Variants in TMEM52B observed in about 807,000 individuals in gnomAD.
TMEM52B encodes the protein transmembrane protein 52B.
Under a neutral mutation model 16.1 loss-of-function variants are expected in TMEM52B, and 11 were observed. The observed-to-expected ratio is 0.68, with a 90% CI of 0.43 to 1.13. The LOEUF (loss-of-function observed/expected upper bound fraction) is 1.13, where lower values mean the gene tolerates loss of function less well. Among genes scored for constraint, TMEM52B ranks in the 50% most tolerant of loss-of-function variants. The pLI is 0.00. For missense variants in TMEM52B, 243 were observed against 230.4 expected, an observed-to-expected ratio of 1.05 and a Z score of -0.35; for synonymous variants, 101 against 93.8, an observed-to-expected ratio of 1.08 and a Z score of -0.45.
chr12:10,182,052 A>C (rs928935861), intron 1 of TMEM52B: 2 of 658,072 alleles, frequency 3.0e-6, no homozygotes, highest in Non-Finnish European at 3.7e-6. Context: ...AAAAAAAAAA[A>C]ACTTGTTAGC....
chr12:10,183,161 C>T (rs1371573403), intron 2 of TMEM52B, among the ~76,000 whole-genome samples: 1 of 151,960 alleles, frequency 6.6e-6, no homozygotes, highest in Non-Finnish European at 1.5e-5. Context: ...CTGTAAAATA[C>T]AAATTTTAAA....
chr12:10,177,168 A>G (rs1198465210), upstream of TMEM52B, among the ~76,000 whole-genome samples: 1 of 152,212 alleles, frequency 6.6e-6, no homozygotes, highest in East Asian at 1.9e-4. Flanking sequence ...TCCTTGTCCT[A>G]TAAAATACCT....
Position 10,190,790 on chromosome 12 carries a change from G to T in TMEM52B, c.*650G>T. ...AACTCCATACTGTGCAGTCACAGTT[G>T]GATTAATTCTTCAGTTCCTCCGCAC... On this transcript the variant is annotated 3_prime_UTR_variant, in exon 5 of 5. Transcript: ENST00000543484. 6.5e-6 allele frequency: 1 copy of T among 153,698 alleles called. No homozygotes were observed. The highest frequency in any genetic ancestry group is 1.4e-5 in the Non-Finnish European group (1 of 68,966). 9.5% of individuals were successfully genotyped at this position (153,698 alleles called of 1,614,324 possible).
chr12:10,187,579 T>A (rs1056205765), intron 4 of TMEM52B, among the ~76,000 whole-genome samples: 42 of 151,728 alleles, frequency 2.8e-4, no homozygotes, highest in Non-Finnish European at 3.1e-4. Context: ...TATATTTTTT[T>A]AAATTTTTAT....
intron 4 of TMEM52B, among the ~76,000 whole-genome samples, chr12:10,188,561 A>C (rs1948913609): frequency 6.8e-6 from 1 of 146,622 alleles, no homozygotes; most frequent in Non-Finnish European, 1.5e-5. Context: ...GAAAAAGAAA[A>C]AGAAAAAGAA....
rs576872092 is a variant in TMEM52B at position 10,191,636 on chromosome 12, A to G, written c.*1496A>G. Reference sequence around the variant, plus strand: ...TGGCATGATTTGTAAAGTGTTATGCATATGTATGTTATTCTTCCTACTGTC... The same window carrying G: ...TGGCATGATTTGTAAAGTGTTATGCGTATGTATGTTATTCTTCCTACTGTC... On this transcript the variant is annotated 3_prime_UTR_variant, in exon 5 of 5. Coordinates refer to ENST00000543484, the MANE Select transcript of TMEM52B (RefSeq NM_001384896.1). 6.6e-6 allele frequency: 1 copy of G among 152,322 alleles called. No homozygotes were observed. The highest frequency in any genetic ancestry group is 1.9e-4 in the East Asian group (1 of 5,190). 9.4% of individuals were successfully genotyped at this position (152,322 alleles called of 1,614,324 possible).
intron 1 of TMEM52B, among the ~76,000 whole-genome samples, chr12:10,171,292 CA>C (rs1188308975): frequency 3.9e-5 from 6 of 152,050 alleles, no homozygotes; most frequent in Non-Finnish European, 8.8e-5. Context: ...ATATTCTGTT[CA>C]TTTTCCTCAG....
At chr12:10,181,719 G>C (rs1027416216) in intron 1 of TMEM52B, among the ~76,000 whole-genome samples, 1 of 150,968 alleles carries the variant, frequency 6.6e-6, no homozygotes, top group Admixed American at 6.6e-5. Flanking sequence ...GTGATTAAAT[G>C]TTATGAAATA....
chr12:10,186,502 C>A lies in TMEM52B; in HGVS notation c.220C>A (p.Gln74Lys). 6.2e-7 allele frequency: 1 copy of A among 1,610,392 alleles called. No homozygotes were observed. The highest frequency in any genetic ancestry group is 1.1e-5 in the South Asian group (1 of 90,774). The part of the protein sequence containing the change: ...CFRCCCLSRQ[Q>K]NGEDGGPPPC... ...CCGCTGCTGCTGTCTGAGCCGCCAG[C>A]AAAATGGGGAAGATGGGGGCCCACC... Residue 74 changes from glutamine to lysine, a missense_variant, in exon 4 of 5, where the codon CAA becomes AAA. Gln to Lys is a moderately conservative substitution (Grantham distance 53). Transcript: ENST00000543484.
chr12:10,183,548 G>C (rs1224428817), intron 2 of TMEM52B, among the ~76,000 whole-genome samples: 1 of 152,016 alleles, frequency 6.6e-6, no homozygotes, highest in Non-Finnish European at 1.5e-5. Context: ...TCCTGTATCA[G>C]AAAGAATTAT....
rs1326234765 is a variant in TMEM52B, at chr12:10,190,001, A to G, written c.413A>G (p.Tyr138Cys). The G allele has an allele frequency of 6.2e-7, 1 of 1,614,068 alleles. No homozygotes were observed. Among genetic ancestry groups the G allele is most frequent in the African/African-American group, 1.3e-5 (1 of 74,932 alleles). Reference sequence around the variant, plus strand: ...TCCTCTTTGGACACCCTCCCAGGGTATGAAGAAGCTCTTCACATGAGTCGC... The same window carrying G: ...TCCTCTTTGGACACCCTCCCAGGGTGTGAAGAAGCTCTTCACATGAGTCGC... ...LPSSLDTLPGYEEALHMSRFT... is the reference protein window; with the variant it reads ...LPSSLDTLPGCEEALHMSRFT... The change falls in exon 5 of 5, where the codon TAT becomes TGT. Residue 138 changes from tyrosine (Y) to cysteine (C), a missense_variant. By Grantham distance (194) the Tyr-to-Cys change is radical. Coordinates refer to ENST00000543484, the MANE Select transcript of TMEM52B (RefSeq NM_001384896.1).
chr12:10,178,291 C>T (rs929810437), upstream of TMEM52B, among the ~76,000 whole-genome samples: 3 of 151,780 alleles, frequency 2.0e-5, no homozygotes, highest in Non-Finnish European at 2.9e-5. Flanking sequence ...CCGAGTCGGG[C>T]GGATCATGAG....
intron 1 of TMEM52B, among the ~76,000 whole-genome samples, chr12:10,181,027 G>A (rs566719483): frequency 2.6e-5 from 4 of 152,022 alleles, no homozygotes; most frequent in African/African-American, 4.8e-5. Context: ...GGCTGATCTC[G>A]AACTCCTGAC....
chr12:10,189,772 G>A (rs1948934793), intron 4 of TMEM52B, 124 bp from the exon 5 acceptor site: 1 of 1,336,072 alleles, frequency 7.5e-7, no homozygotes. Context: ...TTGGGGCAAG[G>A]AGTGACAATG....
intron 1 of TMEM52B, among the ~76,000 whole-genome samples, chr12:10,181,010 T>C (rs536116216): frequency 6.6e-6 from 1 of 152,288 alleles, no homozygotes; most frequent in East Asian, 1.9e-4. Flanking sequence ...TTTCACCATG[T>C]TGGTCAGGCT....
At position 10,190,047 on chromosome 12, in the gene TMEM52B, G is replaced by A; in HGVS notation, c.459G>A (p.Gly153=). 6.2e-7 allele frequency: 1 copy of A among 1,614,118 alleles called. No homozygotes were observed. ...HMSRFTVAMC[G]QKAPDLPPVP... The stretch of plus-strand genomic sequence containing the variant: ...GTCGCTTCACAGTAGCCATGTGCGG[G>A]CAGAAAGCACCTGATCTACCCCCAG... The change falls in exon 5 of 5, where the codon GGG becomes GGA. Residue 153 remains glycine (G), a synonymous_variant. Transcript: ENST00000543484.
chr12:10,176,038 A>C (rs545227572), upstream of TMEM52B, among the ~76,000 whole-genome samples: 1 of 152,234 alleles, frequency 6.6e-6, no homozygotes, highest in Non-Finnish European at 1.5e-5. Flanking sequence ...CTACCTGGAC[A>C]TAAGCTAATG....
chr12:10,186,466 T>C lies in TMEM52B; in HGVS notation c.184T>C (p.Ser62Pro), dbSNP rs779133035. 1.2e-6 allele frequency: 2 copies of C among 1,612,722 alleles called. No individual in the cohort carries two copies. Among genetic ancestry groups the C allele is most frequent in the Admixed American group, 3.3e-5 (2 of 59,988 alleles). The change falls in exon 4 of 5, where the codon TCC (serine) becomes CCC (proline). Residue 62 changes from serine (S) to proline (P), a missense_variant. Coordinates refer to ENST00000543484, the MANE Select transcript of TMEM52B (RefSeq NM_001384896.1). ...GALLLLCGLTSLCFRCCCLSR... is the reference protein window; with the variant it reads ...GALLLLCGLTPLCFRCCCLSR... ...GCTGCTTCTCCTGTGTGGCCTGACG[T>C]CCCTGTGCTTCCGCTGCTGCTGTCT...
chr12:10,171,285 T>C (rs191369763), intron 1 of TMEM52B, among the ~76,000 whole-genome samples: 1 of 152,220 alleles, frequency 6.6e-6, no homozygotes. Context: ...TCTCCTTATA[T>C]TCTGTTCATT....
Sources: allele counts gnomAD v4.1 joint callset (sites outside exome capture counted in the v4.1 genomes callset), GRCh38; gene constraint gnomAD v4.1.1; transcripts MANE v1.5; gene names NCBI Gene and HGNC (gene_info 2026-07-23, HGNC 2026-07-21).